DEPDC1: variants seen among roughly 807,000 people sequenced by gnomAD.
The protein encoded by DEPDC1 is DEP domain-containing protein 1A.
Under a neutral mutation model 86.8 loss-of-function variants are expected in DEPDC1, and 66 were observed. The observed-to-expected ratio is 0.76, with a 90% CI of 0.62 to 0.93. The LOEUF (loss-of-function observed/expected upper bound fraction) is 0.93, where lower values mean the gene tolerates loss of function less well. Among genes scored for constraint, DEPDC1 ranks in the 40% least tolerant of loss-of-function variants. The probability of loss-of-function intolerance (pLI) is 0.00; values close to 1 mark genes in which losing one functional copy is unlikely to be tolerated. For synonymous variants in DEPDC1, 255 were observed against 314.9 expected (o/e 0.81, Z 2.02); for missense variants, 792 against 935.7 (o/e 0.85, Z 2.00).
intron 7 of DEPDC1, 200 bp from the exon 8 acceptor site, chr1:68,483,097 G>T: frequency 1.7e-6 from 1 of 601,666 alleles, no homozygotes; most frequent in East Asian, 2.9e-5. Context: ...AGACAGATGA[G>T]TGGTTTTCCC....
Position 68,496,563 on chromosome 1 carries a change from C to T in DEPDC1, c.48+389G>A, listed in dbSNP as rs1268511670. The T allele has an allele frequency of 1.5e-5, 3 of 205,322 alleles. No individual in the cohort carries two copies. Among genetic ancestry groups the T allele is most frequent in the Admixed American group, 5.8e-5 (1 of 17,150 alleles). The allele number at this position is 205,322 out of a possible 1,614,324, so 12.7% of individuals were successfully genotyped here. ...TTGCCCCCCACCTAACCCTACAAAG[C>T]TTTGGACCTCATTCCCAATTGTTCC... On this transcript the variant is annotated intron_variant, in intron 1 of 11. Coordinates refer to ENST00000456315, the MANE Select transcript of DEPDC1 (RefSeq NM_001114120.3). The surrounding 1 kb of genome is among the most constrained non-coding windows in gnomAD (Gnocchi z 4.0).
In DEPDC1 at chr1:68,477,901, C is replaced by T. The variant is rs747611871; in HGVS notation, c.2184G>A (p.Gln728=). ...TAGAAACTTTTTGCTCATCAAACTC[C>T]TGAGCACTAATCTGCTTACAGTATG... The part of the protein sequence containing the change: ...TYSYCKQISA[Q]EFDEQKVSTS... The change falls in exon 11 of 12, where the codon CAG becomes CAA. Residue 728 remains glutamine (Q), a synonymous_variant. Transcript: ENST00000456315. 1.9e-6 allele frequency: 3 copies of T among 1,586,826 alleles called. No homozygotes were observed. Among genetic ancestry groups the T allele is most frequent in the Non-Finnish European group, 2.6e-6 (3 of 1,166,122 alleles).
intron 9 of DEPDC1, among the ~76,000 whole-genome samples, chr1:68,479,601 G>T (rs553278852): frequency 2.6e-5 from 4 of 151,856 alleles, no homozygotes; most frequent in African/African-American, 9.7e-5. Context: ...CAAGGAGTTC[G>T]AAGCCAGCCT....
chr1:68,482,999 A>G, intron 7 of DEPDC1, 102 bp from the exon 8 acceptor site: 1 of 1,227,740 alleles, frequency 8.1e-7, no homozygotes, highest in Non-Finnish European at 1.1e-6. Flanking sequence ...TTACTATAGT[A>G]TATATTGTTA....
chr1:68,488,976 T>C lies in DEPDC1; in HGVS notation c.530A>G (p.Asp177Gly), dbSNP rs1375537576. ...IINEDQENAI[D>G]NRELSQEDVE... ...ATCTTCCTGGCTTAGTTCTCTATTA[T>C]CAATTGCATTTTCTTGATCTTCATT... Residue 177 changes from aspartate to glycine, a missense_variant, in exon 4 of 12, where the codon GAT becomes GGT. By Grantham distance (94) the Asp-to-Gly change is moderately conservative (BLOSUM62 -1). Transcript: ENST00000456315. 9.3e-6 allele frequency: 15 copies of C among 1,606,766 alleles called. No homozygotes were observed. Among genetic ancestry groups the C allele is most frequent in the Non-Finnish European group, 1.3e-5 (15 of 1,175,758 alleles).
chr1:68,483,455 A>G lies in DEPDC1; in HGVS notation c.910+495T>C, dbSNP rs191762097. On this transcript the variant is annotated intron_variant, in intron 7 of 11. Transcript: ENST00000456315. ...AGAAAGGGGCTAGAGATTGAGTTCA[A>G]TTGACAACAGTGACCAATGATTTGG... 7.4e-5 allele frequency: 30 copies of G among 402,790 alleles called. No homozygotes were observed. In the East Asian group the frequency reaches 1.7e-3, roughly 22 times the overall value. The allele number at this position is 402,790 out of a possible 1,614,324, so 25.0% of individuals were successfully genotyped here.
rs963851636 is a variant in DEPDC1 at position 68,496,684 on chromosome 1, G to A, written c.48+268C>T. ...GGGACGCCGGCCACACCAGGCACAG[G>A]AGTCGCTCCTCATAGCGAGTCTGGT... On this transcript the variant is annotated intron_variant, in intron 1 of 11. Transcript: ENST00000456315. The surrounding 1 kb of genome is among the most constrained non-coding windows in gnomAD (Gnocchi z 4.0). 1.5e-5 allele frequency: 6 copies of A among 407,610 alleles called. No individual in the cohort carries two copies. The South Asian group carries it at 3.3e-4, about 22-fold the overall frequency. The allele number at this position is 407,610 out of a possible 1,614,324, so 25.2% of individuals were successfully genotyped here.
intron 6 of DEPDC1, among the ~76,000 whole-genome samples, chr1:68,484,954 A>ATATT (rs1553156028): frequency 4.8e-4 from 73 of 150,986 alleles, no homozygotes; most frequent in Admixed American, 2.0e-3. Context: ...ATATATATAT[A>ATATT]TTTTTTAAAG....
At position 68,494,690 on chromosome 1, in the gene DEPDC1, A is replaced by G; in HGVS notation, c.54T>C (p.Asn18=). The G allele has an allele frequency of 6.2e-7, 1 of 1,607,358 alleles. No homozygotes were observed. The highest frequency in any genetic ancestry group is 8.5e-7 in the Non-Finnish European group (1 of 1,176,770). Residue 18 remains asparagine (N), a synonymous_variant, in exon 2 of 12, where the codon AAT becomes AAC. Transcript: ENST00000456315. ...CTGCTCGAAAAGATGTGGTAACTTC[A>G]TTCCACTGTAAAAAGAAGGAAAATA... ...PGPYRATKLW[N]EVTTSFRAGM...
At position 68,496,908 on chromosome 1, in the gene DEPDC1, G is replaced by A; in HGVS notation, c.48+44C>T. On this transcript the variant is annotated intron_variant, in intron 1 of 11. Transcript: ENST00000456315. The surrounding 1 kb of genome is among the most constrained non-coding windows in gnomAD (Gnocchi z 4.0). The stretch of plus-strand genomic sequence containing the variant: ...GGTAAAACTGCGAACAGTGGTGACT[G>A]CCGTCAGCCCGCTGACCGGTCCCGT... 3 of 1,577,424 alleles carry A rather than the reference G, an allele frequency of 1.9e-6. No homozygotes were observed. Among genetic ancestry groups the A allele is most frequent in the Admixed American group, 1.7e-5 (1 of 58,896 alleles).
chr1:68,487,233 T>C (rs1193577387), intron 5 of DEPDC1, among the ~76,000 whole-genome samples: 3 of 152,040 alleles, frequency 2.0e-5, no homozygotes, highest in Admixed American at 6.6e-5. Flanking sequence ...ATATTACACA[T>C]AACAATTAAA....
In DEPDC1 at chr1:68,479,276, T is replaced by G; in HGVS notation, c.1980A>C (p.Glu660Asp). The G allele has an allele frequency of 6.2e-7, 1 of 1,612,522 alleles. No homozygotes were observed. Among genetic ancestry groups the G allele is most frequent in the Non-Finnish European group, 8.5e-7 (1 of 1,179,148 alleles). ...CAGCAAGAAGCTCATCAAGATCCACTTCTTCAGCACAGCATAACACACATC... is the reference window on the plus strand; with the variant it reads ...CAGCAAGAAGCTCATCAAGATCCACGTCTTCAGCACAGCATAACACACATC... ...FSRCVLCCAE[E>D]VDLDELLAGR... Residue 660 changes from glutamate (E) to aspartate (D), a missense_variant, in exon 10 of 12, where the codon GAA (glutamate) becomes GAC (aspartate). By Grantham distance (45) the Glu-to-Asp change is conservative. Coordinates refer to ENST00000456315, the MANE Select transcript of DEPDC1 (RefSeq NM_001114120.3).
chr1:68,488,800 T>C, intron 4 of DEPDC1, 116 bp downstream of exon 4: 1 of 780,016 alleles, frequency 1.3e-6, no homozygotes. Flanking sequence ...ATATACAGGT[T>C]GCATTCTAAG....
intron 6 of DEPDC1, among the ~76,000 whole-genome samples, chr1:68,486,568 G>A (rs1437207392): frequency 6.6e-6 from 1 of 151,322 alleles, no homozygotes; most frequent in Admixed American, 6.6e-5. Flanking sequence ...AGTATTCTAT[G>A]CTTCTACACT....
rs1646101690 is a variant in DEPDC1 at position 68,474,481 on chromosome 1, G to A, written c.*2451C>T. ...TTAGAAGATATTAGGGATGGTGGAGGCAGTAATTTCTGGGATAAGAACTAT... is the reference window on the plus strand; with the variant it reads ...TTAGAAGATATTAGGGATGGTGGAGACAGTAATTTCTGGGATAAGAACTAT... On this transcript the variant is annotated 3_prime_UTR_variant, in exon 12 of 12. Transcript: ENST00000456315. 6.6e-6 allele frequency: 1 copy of A among 151,994 alleles called. No individual in the cohort carries two copies. Among genetic ancestry groups the A allele is most frequent in the Admixed American group, 6.6e-5 (1 of 15,230 alleles). The allele number at this position is 151,994 out of a possible 1,614,324, so 9.4% of individuals were successfully genotyped here.
chr1:68,488,025 C>G (rs752942980), intron 5 of DEPDC1, among the ~76,000 whole-genome samples: 1 of 151,814 alleles, frequency 6.6e-6, no homozygotes, highest in Non-Finnish European at 1.5e-5. Context: ...CCATTTCTAT[C>G]TTACTTATCA....
chr1:68,474,726 G>A lies in DEPDC1; in HGVS notation c.*2206C>T, dbSNP rs1346878225. 1.3e-5 allele frequency: 2 copies of A among 151,966 alleles called. No homozygotes were observed. 9.4% of individuals were successfully genotyped at this position (151,966 alleles called of 1,614,324 possible). A position where few individuals can be genotyped will look rare whatever the true frequency, so the allele number is the denominator to read the frequency against. ...AACTTAAAGATCTTTATGTTAGAAT[G>A]GAATCTATCCATGTTCCAGCTTAGG... On this transcript the variant is annotated 3_prime_UTR_variant, in exon 12 of 12. Coordinates refer to ENST00000456315, the MANE Select transcript of DEPDC1 (RefSeq NM_001114120.3).
chr1:68,479,381 C>T (rs902238968), intron 9 of DEPDC1, 61 bp from the exon 10 acceptor site: 11 of 1,275,138 alleles, frequency 8.6e-6, no homozygotes, highest in African/African-American at 4.6e-5. Context: ...ACTAGAATAT[C>T]GGTAATTTCC....
chr1:68,491,864 C>T (rs990365190), intron 2 of DEPDC1, among the ~76,000 whole-genome samples: 1 of 151,756 alleles, frequency 6.6e-6, no homozygotes, highest in African/African-American at 2.4e-5. Context: ...ACCTCCCGGG[C>T]TCGGCCTCCC....
Sources: gnomAD v4.1 joint callset for allele counts (sites outside exome capture counted in the v4.1 genomes callset) on GRCh38, gnomAD v4.1.1 for gene constraint, Gnocchi (gnomAD v3.1) non-coding constraint, MANE v1.5 for transcripts, NCBI Gene and HGNC (gene_info 2026-07-23, HGNC 2026-07-21) for gene names.